The following C2CD2L variants were observed in gnomAD, a reference collection of about 807,000 sequenced individuals.
C2CD2L encodes C2CD2 like.
In C2CD2L, 24 loss-of-function variants were observed where a neutral mutation model predicts 69.9. The observed-to-expected ratio is 0.34, with a 90% CI of 0.25 to 0.48. The LOEUF (loss-of-function observed/expected upper bound fraction) is 0.48. C2CD2L is among the 20% of genes least tolerant of loss of function. The pLI, the probability that C2CD2L is intolerant of heterozygous loss-of-function variation, is 0.99. For missense variants in C2CD2L, 811 were observed against 941.5 expected (o/e 0.86, Z 1.81); for synonymous variants, 367 against 391.0 (o/e 0.94, Z 0.72).
chr11:119,103,343 C>T (rs1209255015), upstream of C2CD2L, among the ~76,000 whole-genome samples: 1 of 152,164 alleles, frequency 6.6e-6, no homozygotes. Flanking sequence ...ATGGCATGTT[C>T]CAGGAGTCAG....
upstream of C2CD2L, among the ~76,000 whole-genome samples, chr11:119,102,605 T>C (rs907571061): frequency 2.0e-5 from 3 of 151,972 alleles, no homozygotes; most frequent in Non-Finnish European, 4.4e-5. Context: ...GTCTTGGATT[T>C]AACTCGAGAC....
chr11:119,106,636 G>C (rs143372966), upstream of C2CD2L: 2 of 152,158 alleles, frequency 1.3e-5, no homozygotes, highest in African/African-American at 4.8e-5. Context: ...GTGCTACATT[G>C]CCAGCTCCCT....
In C2CD2L at chr11:119,114,106, G is replaced by A. The variant is rs1182097793; in HGVS notation, c.1650G>A (p.Ala550=). 1.2e-6 allele frequency: 2 copies of A among 1,614,120 alleles called. No individual in the cohort carries two copies. Among genetic ancestry groups the A allele is most frequent in the Non-Finnish European group, 1.7e-6 (2 of 1,180,020 alleles). ...TGCCCATTGCTCAGGACGAGTTGGC[G>A]CTATCCCTGGGCTATGCGGCATCCC... ...SKVPIAQDEL[A]LSLGYAASLE... Residue 550 remains alanine, a synonymous_variant, in exon 13 of 14, where the codon GCG becomes GCA. Transcript: ENST00000648610. This position sits in a 1 kb window ranked among gnomAD's most constrained non-coding sequence, Gnocchi z 5.1.
rs552487864 is a variant in C2CD2L at position 119,108,696 on chromosome 11, A to G, written c.354+601A>G. Among the ~76,000 whole-genome samples the G allele has an allele frequency of 4.6e-3, 698 of 152,276 alleles. 8 individuals carry two copies. The highest frequency in any genetic ancestry group is 5.6e-3 in the South Asian group (27 of 4,828). On this transcript the variant is annotated intron_variant, in intron 1 of 13. Coordinates refer to ENST00000648610, the MANE Select transcript of C2CD2L (RefSeq NM_001290474.2). The stretch of plus-strand genomic sequence containing the variant: ...ACTGCCCCTTGAGGGTCAGTCACAA[A>G]CCAGTCCAGCCTACTTCCTCCCATT...
intron 10 of C2CD2L, 192 bp from the exon 11 acceptor site, chr11:119,113,419 T>A: frequency 1.3e-6 from 1 of 770,820 alleles, no homozygotes; most frequent in Non-Finnish European, 2.0e-6. Flanking sequence ...CCATGGCACT[T>A]TCCTACACTC....
Position 119,107,737 on chromosome 11 carries a change from G to T in C2CD2L, c.-5G>T. 6.7e-7 allele frequency: 1 copy of T among 1,486,280 alleles called. No individual in the cohort carries two copies. Among genetic ancestry groups the T allele is most frequent in the South Asian group, 1.3e-5 (1 of 77,684 alleles). 92.1% of individuals were successfully genotyped at this position (1,486,280 alleles called of 1,614,324 possible). The stretch of plus-strand genomic sequence containing the variant: ...CCGGGACCGGGATCGGAGCCCGCGC[G>T]GAGCATGGATCCGGGCTGGGGGCAG... On this transcript the variant is annotated 5_prime_UTR_variant, in exon 1 of 14. Transcript: ENST00000648610. This position sits in a 1 kb window ranked among gnomAD's most constrained non-coding sequence, Gnocchi z 5.4.
At chr11:119,113,743 G>T in intron 11 of C2CD2L, 31 bp downstream of exon 11, 2 of 1,613,440 alleles carry the variant, frequency 1.2e-6, no homozygotes, top group Non-Finnish European at 1.7e-6. Context: ...ATGAGTGTGG[G>T]TTGGCCCTGG....
Position 119,107,741 on chromosome 11 carries a change from C to G in C2CD2L, c.-1C>G, listed in dbSNP as rs1267788601. The G allele has an allele frequency of 6.6e-7, 1 of 1,506,470 alleles. No homozygotes were observed. Among genetic ancestry groups the G allele is most frequent in the Non-Finnish European group, 8.8e-7 (1 of 1,139,954 alleles). The allele number at this position is 1,506,470 out of a possible 1,614,324, so 93.3% of individuals were successfully genotyped here. On this transcript the variant is annotated 5_prime_UTR_variant, in exon 1 of 14. Transcript: ENST00000648610. The surrounding 1 kb of genome is among the most constrained non-coding windows in gnomAD (Gnocchi z 5.4). ...GACCGGGATCGGAGCCCGCGCGGAG[C>G]ATGGATCCGGGCTGGGGGCAGCGGG... is the stretch of plus-strand genomic sequence containing the variant.
At chr11:119,106,111 C>G (rs554591286), upstream of C2CD2L, among the ~76,000 whole-genome samples, 1 of 152,366 alleles carries the variant, frequency 6.6e-6, no homozygotes, top group South Asian at 2.1e-4. Flanking sequence ...CACCTCTCCC[C>G]ATCATTCCTT....
rs965113270 is a variant in C2CD2L at position 119,115,866 on chromosome 11, T to C, written c.1910-179T>C. On this transcript the variant is annotated intron_variant, in intron 13 of 13. Transcript: ENST00000648610. ...CTGCTTTCGTTTTCTTTTTTCTTTT[T>C]TTCACGAAGCCTTATGGAGAAGTAT... The C allele has an allele frequency of 5.7e-5, 34 of 601,734 alleles. No individual in the cohort carries two copies. The African/African-American group carries it at 6.3e-4, about 11-fold the overall frequency. 37.3% of individuals were successfully genotyped at this position (601,734 alleles called of 1,614,324 possible).
At chr11:119,103,377 C>T (rs1946539857), upstream of C2CD2L, among the ~76,000 whole-genome samples, 1 of 152,264 alleles carries the variant, frequency 6.6e-6, no homozygotes, top group African/African-American at 2.4e-5. Flanking sequence ...GTTTTTAAGC[C>T]GAAGATAGTT....
At chr11:119,104,170 G>A (rs535341979), upstream of C2CD2L, among the ~76,000 whole-genome samples, 1 of 152,352 alleles carries the variant, frequency 6.6e-6, no homozygotes, top group African/African-American at 2.4e-5. Flanking sequence ...CCAGAAGCTG[G>A]TGGAAAGGAG....
rs1946896239 is a variant in C2CD2L at position 119,116,480 on chromosome 11, A to C, written c.*224A>C. ...CATGGACGAGGGACTGGTGGCTGGG[A>C]GGGAGAGGAGGGCCCTGTCCGGCAT... On this transcript the variant is annotated 3_prime_UTR_variant, in exon 14 of 14. Transcript: ENST00000648610. 6 of 593,430 alleles carry C rather than the reference A, an allele frequency of 1.0e-5. No homozygotes were observed. Among genetic ancestry groups the C allele is most frequent in the Non-Finnish European group, 1.8e-5 (6 of 332,932 alleles). 36.8% of individuals were successfully genotyped at this position (593,430 alleles called of 1,614,324 possible). A position where few individuals can be genotyped will look rare whatever the true frequency, so the allele number is the denominator to read the frequency against.
At chr11:119,104,333 G>C (rs1461809381), upstream of C2CD2L, among the ~76,000 whole-genome samples, 2 of 152,038 alleles carry the variant, frequency 1.3e-5, no homozygotes, top group African/African-American at 4.8e-5. Context: ...GCCTGGTATT[G>C]GGAAGCTTTA....
At chr11:119,111,866 C>T (rs771452333) in intron 7 of C2CD2L, 9 of 514,782 alleles carry the variant, frequency 1.7e-5, no homozygotes, top group East Asian at 3.3e-5. Context: ...ATGGTAAAAC[C>T]GCTCCAGTTG....
chr11:119,108,088 G>C lies in C2CD2L; in HGVS notation c.347G>C (p.Arg116Thr), dbSNP rs1263640070. ...CGAGCGCTGAACGAGCAGGCCTGCA[G>C]AAACGGGGTGAGTTGGACCAAGCGC... ...WVRALNEQAC[R>T]NGSSIQIAFE... Residue 116 changes from arginine (R) to threonine (T), a missense_variant, in exon 1 of 14, where the codon AGA becomes ACA. Arg to Thr is a moderately conservative substitution (Grantham distance 71). Coordinates refer to ENST00000648610, the MANE Select transcript of C2CD2L (RefSeq NM_001290474.2). The C allele has an allele frequency of 3.8e-6, 6 of 1,591,896 alleles. No individual in the cohort carries two copies. Among genetic ancestry groups the C allele is most frequent in the Non-Finnish European group, 5.1e-6 (6 of 1,170,568 alleles).
At chr11:119,115,690 T>A (rs183495937) in intron 13 of C2CD2L, 2 of 399,330 alleles carry the variant, frequency 5.0e-6, no homozygotes, top group East Asian at 7.5e-5. Context: ...GTAGCTTTTG[T>A]CTTCCCATAG....
Position 119,114,473 on chromosome 11 carries a change from C to A in C2CD2L, c.1909+108C>A. 3 of 1,162,368 alleles carry A rather than the reference C, an allele frequency of 2.6e-6. No homozygotes were observed. The highest frequency in any genetic ancestry group is 2.0e-5 in the Admixed American group (1 of 50,410). 72.0% of individuals were successfully genotyped at this position (1,162,368 alleles called of 1,614,324 possible). On this transcript the variant is annotated intron_variant, in intron 13 of 13. Transcript: ENST00000648610. This position sits in a 1 kb window ranked among gnomAD's most constrained non-coding sequence, Gnocchi z 5.1. Reference sequence around the variant, plus strand: ...TCTCCTTCCTCCCCTAAGAGATAGCCGGATTCCCAGCCTAGTTCAGCCAAG... The same window carrying A: ...TCTCCTTCCTCCCCTAAGAGATAGCAGGATTCCCAGCCTAGTTCAGCCAAG...
At chr11:119,104,492 GATA>G (rs1946551980), upstream of C2CD2L, among the ~76,000 whole-genome samples, 2 of 152,208 alleles carry the variant, frequency 1.3e-5, no homozygotes, top group South Asian at 4.1e-4. Context: ...ATACTTGTCA[GATA>G]ATCTGAGTAT....
Sources: allele counts gnomAD v4.1 joint callset (sites outside exome capture counted in the v4.1 genomes callset), GRCh38; gene constraint gnomAD v4.1.1; non-coding constraint Gnocchi (gnomAD v3.1); transcripts MANE v1.5; gene names NCBI Gene and HGNC (gene_info 2026-07-23, HGNC 2026-07-21).